Variants in DGKB observed in about 807,000 individuals in gnomAD.
DGKB encodes the protein diacylglycerol kinase beta.
In DGKB, 67 loss-of-function variants were observed where a neutral mutation model predicts 114.3. The observed-to-expected ratio is 0.59, with a 90% CI of 0.48 to 0.72. The LOEUF is 0.72. Among genes scored for constraint, DGKB ranks in the 30% least tolerant of loss-of-function variants. The pLI is 0.00. For synonymous variants in DGKB, 398 were observed against 323.1 expected, an observed-to-expected ratio of 1.23 and a Z score of -2.49; for missense variants, 907 against 975.2, an observed-to-expected ratio of 0.93 and a Z score of 0.93.
intron 2 of DGKB, among the ~76,000 whole-genome samples, chr7:14,793,260 A>G (rs1840938885): frequency 6.6e-6 from 1 of 152,156 alleles, no homozygotes; most frequent in African/African-American, 2.4e-5. Context: ...TAGAAATGTC[A>G]TGTAAAATTG....
At chr7:14,776,057 G>A (rs954819204) in intron 2 of DGKB, among the ~76,000 whole-genome samples, 3 of 152,052 alleles carry the variant, frequency 2.0e-5, no homozygotes, top group Non-Finnish European at 2.9e-5. Flanking sequence ...GGTCTCAGAC[G>A]GAGATGAGGA....
chr7:14,640,655 G>A (rs1444889561), intron 13 of DGKB, among the ~76,000 whole-genome samples: 3 of 152,160 alleles, frequency 2.0e-5, no homozygotes, highest in Non-Finnish European at 4.4e-5. Flanking sequence ...CAGGCAATGA[G>A]ACAGAGATCA....
At chr7:14,800,002 C>T (rs1378607605) in intron 2 of DGKB, among the ~76,000 whole-genome samples, 6 of 151,982 alleles carry the variant, frequency 3.9e-5, no homozygotes, top group South Asian at 2.1e-4. Context: ...CTATGACCTA[C>T]GCCTCCTGGG....
intron 15 of DGKB, among the ~76,000 whole-genome samples, chr7:14,619,412 T>G (rs1321430571): frequency 1.3e-5 from 2 of 151,672 alleles, no homozygotes; most frequent in Non-Finnish European, 3.0e-5. Flanking sequence ...TCAAACATAT[T>G]ACTATGTAGG....
rs924943101 is a variant in DGKB at position 14,235,918 on chromosome 7, G to A, written c.2123-57767C>T. Reference sequence around the variant, plus strand: ...TGGTATGCTTACCTAGTGCACGTGTGCACATATATGGACGCACACACTGCA... The same window carrying A: ...TGGTATGCTTACCTAGTGCACGTGTACACATATATGGACGCACACACTGCA... On this transcript the variant is annotated intron_variant, in intron 23 of 25. Coordinates refer to ENST00000402815, the MANE Select transcript of DGKB (RefSeq NM_001350709.2). Among the ~76,000 whole-genome samples, 6 of 151,924 alleles carry A rather than the reference G, an allele frequency of 3.9e-5. No individual in the cohort carries two copies. In the South Asian group the frequency reaches 6.2e-4, roughly 16 times the overall value.
intron 1 of DGKB, among the ~76,000 whole-genome samples, chr7:14,890,339 A>G (rs1277110657): frequency 6.6e-6 from 1 of 151,590 alleles, no homozygotes; most frequent in Admixed American, 6.6e-5. Context: ...TGAGAAATGT[A>G]CACTTGCAAA....
At chr7:14,593,711 T>C (rs867520207) in intron 17 of DGKB, among the ~76,000 whole-genome samples, 1 of 151,940 alleles carries the variant, frequency 6.6e-6, no homozygotes, top group Non-Finnish European at 1.5e-5. Flanking sequence ...GAGTGGTCAT[T>C]ATTTTAGACT....
chr7:14,771,983 C>T (rs1163584547), intron 2 of DGKB, among the ~76,000 whole-genome samples: 2 of 152,136 alleles, frequency 1.3e-5, no homozygotes, highest in African/African-American at 4.8e-5. Flanking sequence ...TCCATTGATC[C>T]CAGGTCTCCA....
chr7:14,626,251 A>G (rs1001278929), intron 14 of DGKB, among the ~76,000 whole-genome samples: 4 of 152,184 alleles, frequency 2.6e-5, no homozygotes, highest in African/African-American at 9.7e-5. Flanking sequence ...TGATTACCTC[A>G]AGAACAGGGT....
chr7:14,341,359 A>G (rs1225930410), intron 22 of DGKB, among the ~76,000 whole-genome samples: 1 of 151,866 alleles, frequency 6.6e-6, no homozygotes. Context: ...GTAGCACACC[A>G]GTTGAGTGCA....
intron 2 of DGKB, among the ~76,000 whole-genome samples, chr7:14,791,584 C>G (rs1840672810): frequency 6.6e-6 from 1 of 152,002 alleles, no homozygotes; most frequent in African/African-American, 2.4e-5. Context: ...TGAGGAAATT[C>G]CCTTCTTTTT....
At chr7:14,928,058 T>C (rs1784832488) in intron 1 of DGKB, among the ~76,000 whole-genome samples, 1 of 151,978 alleles carries the variant, frequency 6.6e-6, no homozygotes, top group Non-Finnish European at 1.5e-5. Context: ...AGTCTGTGAA[T>C]TTGAAAAATC....
chr7:14,542,857 T>C (rs191472576), intron 20 of DGKB, among the ~76,000 whole-genome samples: 33 of 152,340 alleles, frequency 2.2e-4, no homozygotes, highest in Admixed American at 6.5e-4. Flanking sequence ...AAAGCCACAC[T>C]GCTCTCAAAT....
intron 21 of DGKB, among the ~76,000 whole-genome samples, chr7:14,446,949 TTA>T (rs1830800989): frequency 6.6e-6 from 1 of 152,126 alleles, no homozygotes; most frequent in Non-Finnish European, 1.5e-5. Flanking sequence ...GAACTTCCTC[TTA>T]TACCAGGATG....
In DGKB at chr7:14,528,630, A is replaced by G. The variant is rs182664711; in HGVS notation, c.1770+45582T>C. The stretch of plus-strand genomic sequence containing the variant: ...CCTGGACAGTAATTGAAGAGTAGTT[A>G]TATGGTAATACACATTCTATGGAGT... On this transcript the variant is annotated intron_variant, in intron 20 of 25. Transcript: ENST00000402815. Among the ~76,000 whole-genome samples the G allele has an allele frequency of 1.8e-3, 275 of 152,176 alleles. 1 individual carries two copies. Among genetic ancestry groups the G allele is most frequent in the Admixed American group, 5.9e-3 (90 of 15,248 alleles).
At position 14,793,244 on chromosome 7, in the gene DGKB, G is replaced by T. The variant is rs942244909; in HGVS notation, c.71-35513C>A. Among the ~76,000 whole-genome samples the T allele has an allele frequency of 2.0e-5, 3 of 152,110 alleles. No homozygotes were observed. In the South Asian group the frequency reaches 6.2e-4, roughly 31 times the overall value. ...TAGAAGACTATTAGAAATGCATTCT[G>T]TAAGATAGAAATGTCATGTAAAATT... On this transcript the variant is annotated intron_variant, in intron 2 of 25. Coordinates refer to ENST00000402815, the MANE Select transcript of DGKB (RefSeq NM_001350709.2).
chr7:14,575,875 G>T (rs1241458356), intron 19 of DGKB, among the ~76,000 whole-genome samples: 2 of 152,088 alleles, frequency 1.3e-5, no homozygotes, highest in Admixed American at 1.3e-4. Context: ...TGGGTTAAAA[G>T]AAAACAGGCA....
intron 18 of DGKB, among the ~76,000 whole-genome samples, chr7:14,581,432 T>C (rs972704341): frequency 1.1e-4 from 16 of 152,214 alleles, no homozygotes; most frequent in Non-Finnish European, 1.0e-4. Flanking sequence ...TTGCTAACAA[T>C]GTCCTTGACT....
intron 20 of DGKB, among the ~76,000 whole-genome samples, chr7:14,561,728 G>C (rs768473659): frequency 1.3e-5 from 2 of 152,184 alleles, no homozygotes; most frequent in Non-Finnish European, 2.9e-5. Context: ...GATGATTTAG[G>C]ATATCTGAGG....
Sources: gnomAD v4.1 joint callset for allele counts (sites outside exome capture counted in the v4.1 genomes callset) on GRCh38, gnomAD v4.1.1 for gene constraint, MANE v1.5 for transcripts, NCBI Gene and HGNC (gene_info 2026-07-23, HGNC 2026-07-21) for gene names.